NIPAL4: variants seen among roughly 807,000 people sequenced by gnomAD.
NIPAL4 encodes NIPA like domain containing 4, also known as magnesium transporter NIPA4.
A neutral mutation model predicts 31.6 loss-of-function variants in NIPAL4; 21 were observed. That is an observed-to-expected ratio of 0.67 (90% confidence interval 0.47 to 0.96). The LOEUF is 0.96. Ranked by LOEUF, NIPAL4 falls within the 40% of genes least tolerant of loss-of-function variation. The pLI is 0.00. For synonymous variants in NIPAL4, 175 were observed against 211.1 expected, an observed-to-expected ratio of 0.83 and a Z score of 1.48; for missense variants, 438 against 508.0, an observed-to-expected ratio of 0.86 and a Z score of 1.32.
rs368885385 is a variant in NIPAL4 at position 157,472,531 on chromosome 5, G to C, written c.786G>C (p.Pro262=). 1 of 1,613,670 alleles carries C rather than the reference G, an allele frequency of 6.2e-7. No individual in the cohort carries two copies. Among genetic ancestry groups the C allele is most frequent in the African/African-American group, 1.3e-5 (1 of 74,858 alleles). Residue 262 remains proline (P), a synonymous_variant, in exon 6 of 6, where the codon CCG becomes CCC. Transcript: ENST00000311946. The part of the protein sequence containing the change: ...FFQGLPVVRH[P]LPYILSLILA... ...AGGGGCTGCCAGTTGTCCGGCACCC[G>C]CTCCCCTACATCCTGTCCCTCATCC...
chr5:157,471,958 G>T (rs1041679736), intron 5 of NIPAL4, 141 bp downstream of exon 5: 1 of 674,292 alleles, frequency 1.5e-6, no homozygotes, highest in Non-Finnish European at 2.6e-6. Flanking sequence ...AAATGTTAAT[G>T]GGCTGGTACT....
rs577900379 is a variant in NIPAL4, at chr5:157,474,361, T to A, written c.*1401T>A. 8.3e-4 allele frequency: 127 copies of A among 152,272 alleles called. No homozygotes were observed. Among genetic ancestry groups the A allele is most frequent in the African/African-American group, 3.0e-3 (124 of 41,534 alleles). The allele number at this position is 152,272 out of a possible 1,614,324, so 9.4% of individuals were successfully genotyped here. ...GAGTGTGGGGGTTGGAGAAGAACCA[T>A]TAGAAAGGGAAATTAGTGGGCTGGT... On this transcript the variant is annotated 3_prime_UTR_variant, in exon 6 of 6. Coordinates refer to ENST00000311946, the MANE Select transcript of NIPAL4 (RefSeq NM_001099287.2).
At position 157,474,635 on chromosome 5, in the gene NIPAL4, T is replaced by A. The variant is rs1335519576; in HGVS notation, c.*1675T>A. 6.6e-6 allele frequency: 1 copy of A among 152,256 alleles called. No homozygotes were observed. The highest frequency in any genetic ancestry group is 1.5e-5 in the Non-Finnish European group (1 of 68,036). 9.4% of individuals were successfully genotyped at this position (152,256 alleles called of 1,614,324 possible). A position where few individuals can be genotyped will look rare whatever the true frequency, so the allele number is the denominator to read the frequency against. On this transcript the variant is annotated 3_prime_UTR_variant, in exon 6 of 6. Transcript: ENST00000311946. ...CTGTAATTAAAAGCAATGCAACAAG[T>A]TGGCTCTTGAGAATGGCAGTAAACT...
intron 1 of NIPAL4, chr5:157,460,709 T>G: frequency 4.1e-6 from 2 of 485,878 alleles, no homozygotes; most frequent in African/African-American, 1.9e-5. Flanking sequence ...CAGGTTTTAG[T>G]ACCTGCGCAG....
chr5:157,464,254 A>C (rs1754192312), intron 2 of NIPAL4, among the ~76,000 whole-genome samples: 1 of 152,226 alleles, frequency 6.6e-6, no homozygotes, highest in African/African-American at 2.4e-5. Flanking sequence ...CTTGAGTGAT[A>C]CTAGAAATCG....
chr5:157,471,991 G>T (rs563609873), intron 5 of NIPAL4, among the ~76,000 whole-genome samples, 174 bp downstream of exon 5: 1 of 152,126 alleles, frequency 6.6e-6, no homozygotes, highest in East Asian at 1.9e-4. Flanking sequence ...TAGCTTAAAG[G>T]CTTCCTGGCC....
At position 157,460,214 on chromosome 5, in the gene NIPAL4, G is replaced by A. The variant is rs1164237054; in HGVS notation, c.-107G>A. 2.0e-6 allele frequency: 3 copies of A among 1,488,168 alleles called. No individual in the cohort carries two copies. The highest frequency in any genetic ancestry group is 1.8e-6 in the Non-Finnish European group (2 of 1,122,028). The allele number at this position is 1,488,168 out of a possible 1,614,324, so 92.2% of individuals were successfully genotyped here. On this transcript the variant is annotated 5_prime_UTR_variant, in exon 1 of 6. Coordinates refer to ENST00000311946, the MANE Select transcript of NIPAL4 (RefSeq NM_001099287.2). ...CCACCCCTGGGTCCGGACCCCGGCG[G>A]CTTCTCGCGCGCGAGCCACGCGGGG...
In NIPAL4 at chr5:157,460,237, G is replaced by A. The variant is rs2113655090; in HGVS notation, c.-84G>A. 1 of 1,520,526 alleles carries A rather than the reference G, an allele frequency of 6.6e-7. No homozygotes were observed. The highest frequency in any genetic ancestry group is 8.8e-7 in the Non-Finnish European group (1 of 1,135,612). The allele number at this position is 1,520,526 out of a possible 1,614,324, so 94.2% of individuals were successfully genotyped here. ...CGGCTTCTCGCGCGCGAGCCACGCG[G>A]GGGACAAGTCGCGGCCACCTGCTCC... is the stretch of plus-strand genomic sequence containing the variant. On this transcript the variant is annotated 5_prime_UTR_variant, in exon 1 of 6. Coordinates refer to ENST00000311946, the MANE Select transcript of NIPAL4 (RefSeq NM_001099287.2).
Position 157,468,176 on chromosome 5 carries a change from A to G in NIPAL4, c.335-546A>G, listed in dbSNP as rs529041914. Among the ~76,000 whole-genome samples, 64 of 151,918 alleles carry G rather than the reference A, an allele frequency of 4.2e-4. 1 individual carries two copies. The highest frequency in any genetic ancestry group is 1.5e-3 in the African/African-American group (60 of 41,372). ...GTGATACACCTGCCTCGGCCTCCCA[A>G]AGTGCTGGGATTACAGGTGTGAGGC... On this transcript the variant is annotated intron_variant, in intron 3 of 5. Transcript: ENST00000311946.
At position 157,463,238 on chromosome 5, in the gene NIPAL4, G is replaced by A. The variant is rs1213302004; in HGVS notation, c.182G>A (p.Gly61Asp). The stretch of plus-strand genomic sequence containing the variant: ...AACTATGGCTTCTACATCGGCCTGG[G>A]CCTGGCATTCCTGTCTAGCTTCCTC... ...RQNYGFYIGLGLAFLSSFLIG... is the reference protein window; with the variant it reads ...RQNYGFYIGLDLAFLSSFLIG... The change falls in exon 2 of 6, where the codon GGC becomes GAC. Residue 61 changes from glycine to aspartate, a missense_variant. By Grantham distance (94) the Gly-to-Asp change is moderately conservative. Transcript: ENST00000311946. 3 of 1,613,878 alleles carry A rather than the reference G, an allele frequency of 1.9e-6. No individual in the cohort carries two copies. The Admixed American group carries it at 5.0e-5, about 27-fold the overall frequency.
chr5:157,465,956 G>A (rs1754261055), intron 2 of NIPAL4, among the ~76,000 whole-genome samples: 1 of 152,064 alleles, frequency 6.6e-6, no homozygotes, highest in Non-Finnish European at 1.5e-5. Context: ...TCATGCCACT[G>A]CACATTCCAG....
At chr5:157,460,616 G>A in intron 1 of NIPAL4, 1 of 625,598 alleles carries the variant, frequency 1.6e-6, no homozygotes. Context: ...GTTAGTGGGG[G>A]GCAGGCATTT....
At chr5:157,469,760 C>T (rs574315720) in intron 4 of NIPAL4, among the ~76,000 whole-genome samples, 1 of 152,274 alleles carries the variant, frequency 6.6e-6, no homozygotes, top group South Asian at 2.1e-4. Flanking sequence ...TTGTAGCAGA[C>T]CACACCCAGT....
In NIPAL4 at chr5:157,467,057, G is replaced by A; in HGVS notation, c.286G>A (p.Gly96Ser). 1 of 1,612,908 alleles carries A rather than the reference G, an allele frequency of 6.2e-7. No homozygotes were observed. ...ATGATRAVDG[G>S]FGYLKDAMWW... The stretch of plus-strand genomic sequence containing the variant: ...GTCCATTCCCTCCACAGTGGATGGA[G>A]GCTTCGGCTACCTGAAAGATGCAAT... The change falls in exon 3 of 6, where the codon GGC becomes AGC. Residue 96 changes from glycine (G) to serine (S), a missense_variant. Coordinates refer to ENST00000311946, the MANE Select transcript of NIPAL4 (RefSeq NM_001099287.2).
Position 157,472,699 on chromosome 5 carries a change from C to T in NIPAL4, c.954C>T (p.Tyr318=). Residue 318 remains tyrosine, a synonymous_variant, in exon 6 of 6, where the codon TAC becomes TAT. Coordinates refer to ENST00000311946, the MANE Select transcript of NIPAL4 (RefSeq NM_001099287.2). ...TSSIILFKEW[Y]SMSAVDIAGT... Reference sequence around the variant, plus strand: ...CCATCATCCTCTTCAAGGAGTGGTACAGCATGTCTGCTGTGGACATTGCAG... The same window carrying T: ...CCATCATCCTCTTCAAGGAGTGGTATAGCATGTCTGCTGTGGACATTGCAG... 1 of 1,614,016 alleles carries T rather than the reference C, an allele frequency of 6.2e-7. No individual in the cohort carries two copies. The highest frequency in any genetic ancestry group is 8.5e-7 in the Non-Finnish European group (1 of 1,179,896).
In NIPAL4 at chr5:157,472,993, G is replaced by A. The variant is rs369332361; in HGVS notation, c.*33G>A. ...AATATGTGAGTGAGAGGATGAGTCC[G>A]ATGGTACAGCCTGCCCTCCCAATTT... is the stretch of plus-strand genomic sequence containing the variant. On this transcript the variant is annotated 3_prime_UTR_variant, in exon 6 of 6. Coordinates refer to ENST00000311946, the MANE Select transcript of NIPAL4 (RefSeq NM_001099287.2). 1.4e-5 allele frequency: 21 copies of A among 1,490,718 alleles called. No individual in the cohort carries two copies. Among genetic ancestry groups the A allele is most frequent in the East Asian group, 2.3e-5 (1 of 43,858 alleles). 92.3% of individuals were successfully genotyped at this position (1,490,718 alleles called of 1,614,324 possible). A position where few individuals can be genotyped will look rare whatever the true frequency, so the allele number is the denominator to read the frequency against.
At chr5:157,466,188 A>G (rs1754267361) in intron 2 of NIPAL4, among the ~76,000 whole-genome samples, 1 of 152,154 alleles carries the variant, frequency 6.6e-6, no homozygotes, top group African/African-American at 2.4e-5. Context: ...CTGTAGAGTG[A>G]GTGTAAGTTT....
Position 157,467,066 on chromosome 5 carries a change from T to G in NIPAL4, c.295T>G (p.Tyr99Asp), listed in dbSNP as rs780364979. 1.7e-5 allele frequency: 27 copies of G among 1,612,732 alleles called. No individual in the cohort carries two copies. Among genetic ancestry groups the G allele is most frequent in the Non-Finnish European group, 2.2e-5 (26 of 1,179,036 alleles). Reference protein sequence around the residue: ...ATRAVDGGFGYLKDAMWWAGF... With the variant: ...ATRAVDGGFGDLKDAMWWAGF... Reference sequence around the variant, plus strand: ...CTCCACAGTGGATGGAGGCTTCGGCTACCTGAAAGATGCAATGTGGTGGGC... The same window carrying G: ...CTCCACAGTGGATGGAGGCTTCGGCGACCTGAAAGATGCAATGTGGTGGGC... The change falls in exon 3 of 6, where the codon TAC becomes GAC. Residue 99 changes from tyrosine (Y) to aspartate (D), a missense_variant. Tyr to Asp is a radical substitution (Grantham distance 160). Transcript: ENST00000311946.
chr5:157,463,119 C>T lies in NIPAL4; in HGVS notation c.63C>T (p.Ser21=). Residue 21 remains serine, a synonymous_variant, in exon 2 of 6, where the codon TCC becomes TCT. Transcript: ENST00000311946. ...ENGSLLHLYC[S]SQEVLCQIVN... ...GTTCCCTGCTCCACCTCTACTGCTC[C>T]TCCCAAGAAGTCCTGTGCCAGATTG... The T allele has an allele frequency of 6.2e-7, 1 of 1,614,014 alleles. No individual in the cohort carries two copies. Among genetic ancestry groups the T allele is most frequent in the South Asian group, 1.1e-5 (1 of 91,080 alleles).
Sources: gnomAD v4.1 joint callset for allele counts (sites outside exome capture counted in the v4.1 genomes callset) on GRCh38, gnomAD v4.1.1 for gene constraint, MANE v1.5 for transcripts, NCBI Gene and HGNC (gene_info 2026-07-23, HGNC 2026-07-21) for gene names.